The following CMIP variants were observed in gnomAD, a reference collection of about 807,000 sequenced individuals.
The protein encoded by CMIP is C-Maf-inducing protein.
In CMIP, 13 loss-of-function variants were observed where a neutral mutation model predicts 97.3. The observed-to-expected ratio is 0.13, with a 90% CI of 0.09 to 0.21. The LOEUF is 0.21. Ranked by LOEUF, CMIP falls within the 10% of genes least tolerant of loss-of-function variation. The pLI, the probability that CMIP is intolerant of heterozygous loss-of-function variation, is 1.00. For missense variants in CMIP, 847 were observed against 1,024.9 expected (o/e 0.83, Z 2.37); for synonymous variants, 538 against 436.3 (o/e 1.23, Z -2.91).
chr16:81,560,157 A>AG (rs139595132), intron 1 of CMIP, among the ~76,000 whole-genome samples: 41,074 of 144,056 alleles, frequency 0.29, 6,519 homozygotes, highest in African/African-American at 0.37. Flanking sequence ...AAAAAAAAAA[A>AG]AAAAGAAAAA....
intron 1 of CMIP, among the ~76,000 whole-genome samples, chr16:81,517,317 T>C (rs1567554653): frequency 6.6e-6 from 1 of 152,208 alleles, no homozygotes. Context: ...AGTGAAAGAA[T>C]AGGTCAGTAT....
chr16:81,456,315 GC>G (rs1030823910), intron 1 of CMIP, among the ~76,000 whole-genome samples: 1 of 152,220 alleles, frequency 6.6e-6, no homozygotes, highest in African/African-American at 2.4e-5. Flanking sequence ...CCTCTCATCA[GC>G]CCCGTGAGGC....
chr16:81,446,651 G>A (rs549331482), intron 1 of CMIP, among the ~76,000 whole-genome samples: 17 of 152,238 alleles, frequency 1.1e-4, no homozygotes, highest in African/African-American at 4.1e-4. Context: ...TCCACTGCCT[G>A]CCCACACCTG....
At chr16:81,682,165 C>T (rs1234185574) in intron 10 of CMIP, among the ~76,000 whole-genome samples, 1 of 150,898 alleles carries the variant, frequency 6.6e-6, no homozygotes, top group Non-Finnish European at 1.5e-5. Context: ...GATTGCACTG[C>T]TGCACTCCAA....
chr16:81,694,606 T>A (rs1450214471), intron 13 of CMIP, among the ~76,000 whole-genome samples: 1 of 152,174 alleles, frequency 6.6e-6, no homozygotes, highest in Non-Finnish European at 1.5e-5. Flanking sequence ...GAGTACTTGT[T>A]CTCAAACTAT....
chr16:81,633,064 T>C (rs2092186270), intron 3 of CMIP, among the ~76,000 whole-genome samples: 1 of 152,254 alleles, frequency 6.6e-6, no homozygotes, highest in Non-Finnish European at 1.5e-5. Flanking sequence ...CATGGAGCCA[T>C]ACAAGGAAGT....
chr16:81,562,464 CTTGCA>C (rs1338647066), intron 1 of CMIP, among the ~76,000 whole-genome samples: 1 of 152,268 alleles, frequency 6.6e-6, no homozygotes, highest in Non-Finnish European at 1.5e-5. Flanking sequence ...TTGGGGCTAA[CTTGCA>C]GTGCTGGCAG....
At chr16:81,551,129 G>GCACCCCAGTTCCATCACACA (rs1289494427) in intron 1 of CMIP, among the ~76,000 whole-genome samples, 1 of 97,840 alleles carries the variant, frequency 1.0e-5, no homozygotes, top group South Asian at 3.6e-4. Context: ...TCCATCACAC[G>GCACCCCAGTTCCATCACACA]CACCCCAGTT....
intron 14 of CMIP, among the ~76,000 whole-genome samples, chr16:81,698,727 C>G (rs535369485): frequency 1.2e-4 from 18 of 152,260 alleles, no homozygotes; most frequent in African/African-American, 4.1e-4. Context: ...TCTTATCTTC[C>G]GAAACTGAAA....
Position 81,701,400 on chromosome 16 carries a change from A to T in CMIP, c.1756-260A>T, listed in dbSNP as rs538797525. 9.6e-4 allele frequency among the ~76,000 whole-genome samples: 146 copies of T among 152,336 alleles called. 1 individual carries two copies. Among genetic ancestry groups the T allele is most frequent in the Non-Finnish European group, 1.6e-3 (110 of 68,034 alleles). On this transcript the variant is annotated intron_variant, in intron 15 of 20. Coordinates refer to ENST00000537098, the MANE Select transcript of CMIP (RefSeq NM_198390.3). ...CCGGGGGCCTGCCCCATGTCCAGAC[A>T]CCGCACGGTAAGCAGATGCCTGGGA...
chr16:81,671,823 A>G (rs1193008519), intron 8 of CMIP, 143 bp from the exon 9 acceptor site: 1 of 558,426 alleles, frequency 1.8e-6, no homozygotes, highest in Non-Finnish European at 3.3e-6. Context: ...CCAATTGCAC[A>G]GTGAAGGCTC....
chr16:81,517,044 A>T (rs1460870815), intron 1 of CMIP, among the ~76,000 whole-genome samples: 1 of 151,244 alleles, frequency 6.6e-6, no homozygotes, highest in East Asian at 1.9e-4. Context: ...AAAATCAGGC[A>T]GGTTTCAAGG....
chr16:81,654,861 G>A (rs1288223787), intron 4 of CMIP, among the ~76,000 whole-genome samples: 2 of 150,904 alleles, frequency 1.3e-5, no homozygotes, highest in Non-Finnish European at 2.9e-5. Flanking sequence ...AGACTTTCTG[G>A]CAAGTATGTA....
rs150433810 is a variant in CMIP, at chr16:81,485,350, C to G, written c.300+39809C>G. Among the ~76,000 whole-genome samples the G allele has an allele frequency of 2.6e-5, 4 of 152,312 alleles. No homozygotes were observed. The East Asian group carries it at 7.7e-4, about 29-fold the overall frequency. On this transcript the variant is annotated intron_variant, in intron 1 of 20. Transcript: ENST00000537098. ...TGGGTGTGTTGTCTAGCTCACTCAT[C>G]CGAGCTATTTCTACCTTTTGTTTTC... is the stretch of plus-strand genomic sequence containing the variant.
At chr16:81,557,337 GTTGAATTTA>G (rs2090784280) in intron 1 of CMIP, among the ~76,000 whole-genome samples, 2 of 136,884 alleles carry the variant, frequency 1.5e-5, no homozygotes, top group African/African-American at 3.0e-5. Context: ...ACTGATGTTG[GTTGAATTTA>G]CTGATGTTGG....
chr16:81,521,068 G>A (rs2090016569), intron 1 of CMIP, among the ~76,000 whole-genome samples: 1 of 152,220 alleles, frequency 6.6e-6, no homozygotes, highest in Non-Finnish European at 1.5e-5. Context: ...ACAGGAATGT[G>A]CTTTATACAA....
chr16:81,618,807 T>G (rs200882346), intron 2 of CMIP: 1 of 151,272 alleles, frequency 6.6e-6, no homozygotes. Context: ...TGCTGGCCCC[T>G]GTTTGTGGAG....
chr16:81,607,306 GC>G (rs1326018488), intron 1 of CMIP, among the ~76,000 whole-genome samples: 6 of 152,346 alleles, frequency 3.9e-5, no homozygotes, highest in Middle Eastern at 3.4e-3. Flanking sequence ...CTCAGTTCTT[GC>G]CCTCCAGCTG....
intron 3 of CMIP, among the ~76,000 whole-genome samples, chr16:81,642,655 A>G (rs562119900): frequency 6.6e-6 from 1 of 152,294 alleles, no homozygotes; most frequent in South Asian, 2.1e-4. Context: ...ATTGCAGTGT[A>G]TCTGCCGGGC....
Sources: gnomAD v4.1 joint callset for allele counts (sites outside exome capture counted in the v4.1 genomes callset) on GRCh38, gnomAD v4.1.1 for gene constraint, MANE v1.5 for transcripts, NCBI Gene and HGNC (gene_info 2026-07-23, HGNC 2026-07-21) for gene names.